The following PTPRD variants were observed in gnomAD, a reference collection of about 807,000 sequenced individuals.
The protein encoded by PTPRD is protein tyrosine phosphatase receptor type D.
Under a neutral mutation model 214.5 loss-of-function variants are expected in PTPRD, and 34 were observed. The ratio of observed to expected loss-of-function variants is 0.16; its 90% CI spans 0.12 to 0.21. The LOEUF (loss-of-function observed/expected upper bound fraction) is 0.21. Ranked by LOEUF, PTPRD falls within the 10% of genes least tolerant of loss-of-function variation. The pLI, the probability that PTPRD is intolerant of heterozygous loss-of-function variation, is 1.00. For synonymous variants in PTPRD, 1,128 were observed against 845.7 expected (o/e 1.33, Z -5.79); for missense variants, 2,545 against 2,398.7 (o/e 1.06, Z -1.27).
At chr9:9,535,438 T>C (rs1340176112) in intron 8 of PTPRD, among the ~76,000 whole-genome samples, 1 of 152,112 alleles carries the variant, frequency 6.6e-6, no homozygotes, top group African/African-American at 2.4e-5. Flanking sequence ...AATGTTAGTT[T>C]GGTGTTTGAT....
rs147513759 is a variant in PTPRD at position 8,695,095 on chromosome 9, T to C, written c.64+38685A>G. Among the ~76,000 whole-genome samples, 549 of 152,304 alleles carry C rather than the reference T, an allele frequency of 3.6e-3. 3 individuals carry two copies. The highest frequency in any genetic ancestry group is 0.013 in the African/African-American group (523 of 41,556). On this transcript the variant is annotated intron_variant, in intron 12 of 45. Transcript: ENST00000381196. ...CGTCTGTCCCCTCTGCCTTTCTCAT[T>C]GTGCTGGTTTGTCTCCTTAGACTGG...
At chr9:8,802,623 T>G (rs1478809176) in intron 11 of PTPRD, among the ~76,000 whole-genome samples, 2 of 152,208 alleles carry the variant, frequency 1.3e-5, no homozygotes, top group African/African-American at 4.8e-5. Context: ...TTCTAGCTCC[T>G]TCCTTCTAGG....
chr9:10,427,757 C>A (rs1426398440), intron 2 of PTPRD, among the ~76,000 whole-genome samples: 1 of 152,000 alleles, frequency 6.6e-6, no homozygotes, highest in Non-Finnish European at 1.5e-5. Flanking sequence ...GAAAAATCAA[C>A]CCACTGGGGT....
At chr9:8,920,427 C>T (rs1409022876) in intron 11 of PTPRD, among the ~76,000 whole-genome samples, 1 of 152,120 alleles carries the variant, frequency 6.6e-6, no homozygotes, top group Non-Finnish European at 1.5e-5. Flanking sequence ...CTATCTTGGT[C>T]ATATTTTTAT....
chr9:9,413,817 C>T (rs2076229257), intron 8 of PTPRD, among the ~76,000 whole-genome samples: 1 of 152,190 alleles, frequency 6.6e-6, no homozygotes, highest in East Asian at 1.9e-4. Context: ...GTAGTAATCA[C>T]ACTGTCTGCC....
chr9:8,672,831 T>C (rs1410082254), intron 12 of PTPRD, among the ~76,000 whole-genome samples: 1 of 138,904 alleles, frequency 7.2e-6, no homozygotes, highest in Non-Finnish European at 1.6e-5. Flanking sequence ...AACATCTTAA[T>C]TTTTGTACTC....
intron 10 of PTPRD, among the ~76,000 whole-genome samples, chr9:9,159,198 T>A (rs1274981272): frequency 6.6e-6 from 1 of 152,072 alleles, no homozygotes; most frequent in Non-Finnish European, 1.5e-5. Flanking sequence ...TACAAATTCC[T>A]AGCCATAGTA....
chr9:9,357,422 G>C (rs546345032), intron 9 of PTPRD, among the ~76,000 whole-genome samples: 5 of 150,326 alleles, frequency 3.3e-5, no homozygotes, highest in African/African-American at 1.2e-4. Flanking sequence ...TTGTCACATG[G>C]AGGATGATCT....
intron 12 of PTPRD, among the ~76,000 whole-genome samples, chr9:8,695,692 A>G (rs1484458939): frequency 6.6e-6 from 1 of 152,212 alleles, no homozygotes; most frequent in African/African-American, 2.4e-5. Context: ...ATAGAATCAC[A>G]AAATTCTAAG....
chr9:8,749,003 G>A (rs2093222894), intron 11 of PTPRD, among the ~76,000 whole-genome samples: 1 of 151,776 alleles, frequency 6.6e-6, no homozygotes, highest in Admixed American at 6.6e-5. Flanking sequence ...ACACACATGT[G>A]AAAATATGTA....
chr9:10,202,208 A>C (rs1032386921), intron 3 of PTPRD, among the ~76,000 whole-genome samples: 5 of 152,086 alleles, frequency 3.3e-5, no homozygotes, highest in Non-Finnish European at 5.9e-5. Context: ...TAGCCTCCAA[A>C]AGAGAGCTTA....
At chr9:9,005,420 A>G (rs536559100) in intron 11 of PTPRD, among the ~76,000 whole-genome samples, 5 of 152,076 alleles carry the variant, frequency 3.3e-5, no homozygotes, top group African/African-American at 4.8e-5. Flanking sequence ...GTTATTAATG[A>G]TAATTAATTT....
chr9:8,605,239 T>C (rs2095134634), intron 14 of PTPRD, among the ~76,000 whole-genome samples: 1 of 152,254 alleles, frequency 6.6e-6, no homozygotes, highest in African/African-American at 2.4e-5. Flanking sequence ...TTTTGAAGTA[T>C]ATTAAACCTG....
intron 2 of PTPRD, among the ~76,000 whole-genome samples, chr9:10,471,332 T>C (rs772687803): frequency 6.6e-6 from 1 of 152,100 alleles, no homozygotes; most frequent in Non-Finnish European, 1.5e-5. Context: ...AATGTCAATC[T>C]CTACTGAATT....
chr9:8,463,682 T>C (rs1332519846), intron 32 of PTPRD, among the ~76,000 whole-genome samples: 1 of 151,988 alleles, frequency 6.6e-6, no homozygotes, highest in African/African-American at 2.4e-5. Context: ...TTCTTGTGCG[T>C]GGCAATAAGA....
chr9:10,271,106 G>C (rs2094393675), intron 3 of PTPRD, among the ~76,000 whole-genome samples: 1 of 152,092 alleles, frequency 6.6e-6, no homozygotes, highest in Non-Finnish European at 1.5e-5. Context: ...TTACAGACCT[G>C]AACCATGGTG....
At chr9:9,870,404 T>C (rs563407977) in intron 5 of PTPRD, among the ~76,000 whole-genome samples, 2 of 151,848 alleles carry the variant, frequency 1.3e-5, no homozygotes, top group Non-Finnish European at 1.5e-5. Flanking sequence ...TAGACAACTT[T>C]GTTACTTGCA....
At chr9:9,985,106 A>C (rs2154071115) in intron 4 of PTPRD, among the ~76,000 whole-genome samples, 1 of 152,328 alleles carries the variant, frequency 6.6e-6, no homozygotes, top group African/African-American at 2.4e-5. Flanking sequence ...AATATCATGA[A>C]ATAACACTTA....
chr9:9,763,533 T>C (rs951168783), intron 6 of PTPRD, among the ~76,000 whole-genome samples: 13 of 152,182 alleles, frequency 8.5e-5, no homozygotes, highest in Non-Finnish European at 1.9e-4. Context: ...TCAAAATTTA[T>C]AAAAGGTTCC....
Sources: allele counts gnomAD v4.1 joint callset (sites outside exome capture counted in the v4.1 genomes callset), GRCh38; gene constraint gnomAD v4.1.1; transcripts MANE v1.5; gene names NCBI Gene and HGNC (gene_info 2026-07-23, HGNC 2026-07-21).